ACSS3: variants seen among roughly 807,000 people sequenced by gnomAD.
The protein encoded by ACSS3 is acyl-CoA synthetase short chain family member 3.
A neutral mutation model predicts 84.2 loss-of-function variants in ACSS3; 64 were observed. The observed-to-expected ratio is 0.76, with a 90% CI of 0.62 to 0.94. The LOEUF (loss-of-function observed/expected upper bound fraction) is 0.94, where lower values mean the gene tolerates loss of function less well. Among genes scored for constraint, ACSS3 ranks in the 40% least tolerant of loss-of-function variants. The pLI, the probability that ACSS3 is intolerant of heterozygous loss-of-function variation, is 0.00. For synonymous variants in ACSS3, 317 were observed against 310.1 expected, an observed-to-expected ratio of 1.02 and a Z score of -0.23; for missense variants, 815 against 867.6, an observed-to-expected ratio of 0.94 and a Z score of 0.76.
chr12:81,103,996 C>CG (rs1298403427), intron 1 of ACSS3, among the ~76,000 whole-genome samples: 1 of 152,032 alleles, frequency 6.6e-6, no homozygotes, highest in Non-Finnish European at 1.5e-5. Flanking sequence ...AAGTCTTGGA[C>CG]TACAGTAAAA....
intron 2 of ACSS3, among the ~76,000 whole-genome samples, chr12:81,121,848 A>T (rs1288270888): frequency 6.6e-6 from 1 of 152,016 alleles, no homozygotes; most frequent in African/African-American, 2.4e-5. Flanking sequence ...ACCTTTACGT[A>T]TTCTGCATGA....
intron 9 of ACSS3, among the ~76,000 whole-genome samples, chr12:81,200,924 AG>A (rs1411480871): frequency 6.6e-6 from 1 of 151,754 alleles, no homozygotes; most frequent in African/African-American, 2.4e-5. Context: ...AAAGAAAGAA[AG>A]AAAAAAATGT....
Position 81,240,285 on chromosome 12 carries a change from TTTATCA to T in ACSS3, c.1719+6819_1719+6824del, listed in dbSNP as rs1358667119. ...CATGCCTTCTCGGGTTATTGACCTC[TTTATCA>T]TTATGTAATGCTCCTCTTTATTCTT... is the stretch of plus-strand genomic sequence containing the variant. On this transcript the variant is annotated intron_variant, in intron 13 of 15. Transcript: ENST00000548058. Among the ~76,000 whole-genome samples the T allele has an allele frequency of 5.3e-5, 8 of 152,026 alleles. No homozygotes were observed. The South Asian group carries it at 1.4e-3, about 28-fold the overall frequency.
intron 8 of ACSS3, among the ~76,000 whole-genome samples, chr12:81,179,317 A>C (rs559662463): frequency 1.5e-4 from 22 of 149,546 alleles, no homozygotes; most frequent in East Asian, 5.8e-4. Context: ...CACAAAAAAA[A>C]CCCAGAAACT....
intron 2 of ACSS3, among the ~76,000 whole-genome samples, chr12:81,111,649 A>G (rs1453037605): frequency 6.6e-6 from 1 of 152,018 alleles, no homozygotes; most frequent in African/African-American, 2.4e-5. Context: ...CTAGCTCAGA[A>G]CTCTGAACAC....
chr12:81,203,087 G>GTCAC (rs2032181822), intron 9 of ACSS3, among the ~76,000 whole-genome samples: 1 of 152,120 alleles, frequency 6.6e-6, no homozygotes. Flanking sequence ...AACGAATGAT[G>GTCAC]TCACTCTTAG....
intron 13 of ACSS3, among the ~76,000 whole-genome samples, chr12:81,233,928 T>C (rs2033547664): frequency 1.3e-5 from 2 of 151,624 alleles, no homozygotes; most frequent in Non-Finnish European, 3.0e-5. Context: ...CTTATTCCTA[T>C]GGAGTAAAAT....
chr12:81,183,356 T>A (rs796234674), intron 8 of ACSS3, among the ~76,000 whole-genome samples: 2 of 152,098 alleles, frequency 1.3e-5, no homozygotes, highest in Admixed American at 1.3e-4. Context: ...AGCTTAGCAC[T>A]ACAGAAATTA....
intron 11 of ACSS3, among the ~76,000 whole-genome samples, chr12:81,229,450 G>C (rs2033382484): frequency 6.6e-6 from 1 of 151,726 alleles, no homozygotes; most frequent in South Asian, 2.1e-4. Flanking sequence ...ATTTGTTATA[G>C]TCATATTCTA....
chr12:81,092,773 T>C (rs1351696758), intron 1 of ACSS3, among the ~76,000 whole-genome samples: 1 of 152,140 alleles, frequency 6.6e-6, no homozygotes, highest in East Asian at 1.9e-4. Context: ...TATCAAAATG[T>C]TAATGGGAAA....
intron 7 of ACSS3, among the ~76,000 whole-genome samples, chr12:81,157,806 C>G (rs1382280281): frequency 6.6e-6 from 1 of 151,760 alleles, no homozygotes; most frequent in Non-Finnish European, 1.5e-5. Flanking sequence ...GACTCCCTCT[C>G]AAAAAATAAA....
intron 8 of ACSS3, among the ~76,000 whole-genome samples, chr12:81,182,079 AG>A (rs1481637743): frequency 6.6e-6 from 1 of 152,204 alleles, no homozygotes; most frequent in Non-Finnish European, 1.5e-5. Context: ...ATCCCAAAAT[AG>A]ATTAATCTAA....
At chr12:81,093,920 A>G (rs1196646089) in intron 1 of ACSS3, among the ~76,000 whole-genome samples, 1 of 152,116 alleles carries the variant, frequency 6.6e-6, no homozygotes, top group African/African-American at 2.4e-5. Flanking sequence ...ATGGAATTGT[A>G]CTATCCATCC....
chr12:81,193,226 CGAG>C (rs896579121), intron 8 of ACSS3, among the ~76,000 whole-genome samples: 23 of 152,184 alleles, frequency 1.5e-4, no homozygotes, highest in African/African-American at 5.5e-4. Flanking sequence ...CAGAAGTCGA[CGAG>C]GCATCACTGA....
intron 8 of ACSS3, among the ~76,000 whole-genome samples, chr12:81,186,385 G>C (rs2031255107): frequency 6.6e-6 from 1 of 151,770 alleles, no homozygotes; most frequent in South Asian, 2.1e-4. Flanking sequence ...AACAAGCTCT[G>C]CACAGCAAAG....
intron 15 of ACSS3, 103 bp from the exon 16 acceptor site, chr12:81,254,754 A>T: frequency 2.2e-6 from 2 of 906,488 alleles, no homozygotes; most frequent in Non-Finnish European, 3.3e-6. Flanking sequence ...TATGAATATT[A>T]CAAGACAATG....
chr12:81,259,790 A>G lies in ACSS3; in HGVS notation c.*4868A>G. On this transcript the variant is annotated 3_prime_UTR_variant, in exon 16 of 16. Coordinates refer to ENST00000548058, the MANE Select transcript of ACSS3 (RefSeq NM_024560.4). The stretch of plus-strand genomic sequence containing the variant: ...CCTAGAAGATCATGAGAAGGAAATC[A>G]TCTAGGATGTAGCCAACAGCCGTAT... 1 of 694,842 alleles carries G rather than the reference A, an allele frequency of 1.4e-6. No individual in the cohort carries two copies. The highest frequency in any genetic ancestry group is 2.3e-6 in the Non-Finnish European group (1 of 435,630). 43.0% of individuals were successfully genotyped at this position (694,842 alleles called of 1,614,324 possible).
chr12:81,199,797 C>A, intron 9 of ACSS3: 3 of 684,756 alleles, frequency 4.4e-6, no homozygotes, highest in Non-Finnish European at 6.7e-6. Context: ...TGAGCTCTGG[C>A]AGCTGCATTA....
Position 81,231,072 on chromosome 12 carries a change from T to A in ACSS3, c.1530T>A (p.Pro510=). 2 of 1,610,716 alleles carry A rather than the reference T, an allele frequency of 1.2e-6. No individual in the cohort carries two copies. The change falls in exon 12 of 16, where the codon CCT becomes CCA. Residue 510 remains proline, a synonymous_variant. Transcript: ENST00000548058. ...TTTATATAAGGTTACCATTGCCACC[T>A]GGGGCTTTTTCAGGACTCTGGAAGA... is the stretch of plus-strand genomic sequence containing the variant. ...GNIVVKLPLP[P]GAFSGLWKNQ... is the part of the protein sequence containing the mutation.
Sources: allele counts gnomAD v4.1 joint callset (sites outside exome capture counted in the v4.1 genomes callset), GRCh38; gene constraint gnomAD v4.1.1; transcripts MANE v1.5; gene names NCBI Gene and HGNC (gene_info 2026-07-23, HGNC 2026-07-21).